TNNI3K: variants seen among roughly 807,000 people sequenced by gnomAD.
The protein encoded by TNNI3K is TNNI3 interacting kinase.
TNNI3K carries 140 observed loss-of-function variants against 114.5 expected under a neutral mutation model. The ratio of observed to expected loss-of-function variants is 1.22; its 90% CI spans 1.07 to 1.41. The LOEUF (loss-of-function observed/expected upper bound fraction) is 1.41. Ranked by LOEUF, TNNI3K falls within the 40% of genes most tolerant of loss-of-function variation. The pLI, the probability that TNNI3K is intolerant of heterozygous loss-of-function variation, is 0.00. For missense variants in TNNI3K, 1,125 were observed against 1,007.6 expected, an observed-to-expected ratio of 1.12 and a Z score of -1.58; for synonymous variants, 347 against 347.5, an observed-to-expected ratio of 1.00 and a Z score of 0.02.
intron 23 of TNNI3K, among the ~76,000 whole-genome samples, chr1:74,531,269 G>C (rs998385196): frequency 3.9e-5 from 6 of 152,154 alleles, no homozygotes; most frequent in African/African-American, 1.4e-4. Context: ...TGTCAAGTAG[G>C]AAATATTGAC....
Position 74,484,867 on chromosome 1 carries a change from A to G in TNNI3K, c.2122-4322A>G, listed in dbSNP as rs147321297. ...TCTATTTTTAAAGATCATTTTAACT[A>G]CTGAGTTGGGAACTACTTTTAGATA... On this transcript the variant is annotated intron_variant, in intron 21 of 24. Transcript: ENST00000326637. 3.0e-3 allele frequency among the ~76,000 whole-genome samples: 463 copies of G among 152,328 alleles called. 3 individuals are homozygous for G. The highest frequency in any genetic ancestry group is 5.1e-3 in the Non-Finnish European group (344 of 68,034).
chr1:74,519,028 C>T (rs1427985751), intron 23 of TNNI3K, among the ~76,000 whole-genome samples: 4 of 107,582 alleles, frequency 3.7e-5, no homozygotes, highest in Admixed American at 3.7e-4. Context: ...GCTATCCCTT[C>T]CCCCTCCCCC....
chr1:74,389,889 G>A (rs1663675285), intron 17 of TNNI3K, among the ~76,000 whole-genome samples: 1 of 152,068 alleles, frequency 6.6e-6, no homozygotes, highest in Non-Finnish European at 1.5e-5. Flanking sequence ...TACAGGATTA[G>A]GAGCCATTAG....
At chr1:74,300,570 G>A (rs1438333815) in intron 5 of TNNI3K, among the ~76,000 whole-genome samples, 1 of 152,168 alleles carries the variant, frequency 6.6e-6, no homozygotes, top group African/African-American at 2.4e-5. Flanking sequence ...AAAATGCAAA[G>A]ATCTTAAGCC....
intron 17 of TNNI3K, among the ~76,000 whole-genome samples, chr1:74,410,998 T>C (rs985203389): frequency 3.2e-4 from 48 of 152,212 alleles, no homozygotes; most frequent in African/African-American, 8.4e-4. Flanking sequence ...TTTTTGTCTT[T>C]GTGTAGTCAT....
At chr1:74,452,773 T>G (rs974149681) in intron 20 of TNNI3K, among the ~76,000 whole-genome samples, 17 of 152,168 alleles carry the variant, frequency 1.1e-4, no homozygotes, top group Non-Finnish European at 2.4e-4. Flanking sequence ...ATTATGTCCC[T>G]GCCTGCCTCC....
chr1:74,431,111 T>C (rs912485749), intron 17 of TNNI3K, among the ~76,000 whole-genome samples: 6 of 152,154 alleles, frequency 3.9e-5, no homozygotes, highest in Non-Finnish European at 8.8e-5. Context: ...CAGTTCAGAA[T>C]TTGCCAAATT....
chr1:74,533,065 G>A (rs1426070356), intron 23 of TNNI3K, among the ~76,000 whole-genome samples: 1 of 152,146 alleles, frequency 6.6e-6, no homozygotes, highest in East Asian at 1.9e-4. Context: ...ATTGACAAAT[G>A]GGATCTAATT....
chr1:74,479,627 A>G (rs1308767310), intron 21 of TNNI3K, among the ~76,000 whole-genome samples: 1 of 152,208 alleles, frequency 6.6e-6, no homozygotes, highest in African/African-American at 2.4e-5. Context: ...AACACTGCAG[A>G]CTAAGATATA....
chr1:74,417,202 T>C (rs1665158656), intron 17 of TNNI3K, among the ~76,000 whole-genome samples: 1 of 152,026 alleles, frequency 6.6e-6, no homozygotes, highest in African/African-American at 2.4e-5. Flanking sequence ...GATGAAGTAT[T>C]AGGTGTTGTA....
At chr1:74,267,213 G>A (rs977071241) in intron 4 of TNNI3K, among the ~76,000 whole-genome samples, 1 of 151,916 alleles carries the variant, frequency 6.6e-6, no homozygotes, top group African/African-American at 2.4e-5. Context: ...CAAACTTAGA[G>A]TATTCAAAAT....
At chr1:74,382,807 C>CGTTTT (rs1282221144) in intron 17 of TNNI3K, among the ~76,000 whole-genome samples, 5 of 152,138 alleles carry the variant, frequency 3.3e-5, no homozygotes, top group Admixed American at 6.6e-5. Context: ...AGTGTTAGAG[C>CGTTTT]GTTGATGATG....
At chr1:74,357,337 C>T (rs149247108) in intron 11 of TNNI3K, among the ~76,000 whole-genome samples, 224 of 152,240 alleles carry the variant, frequency 1.5e-3, no homozygotes, top group African/African-American at 5.1e-3. Flanking sequence ...CTTTTGGATA[C>T]GCCCAATTTA....
chr1:74,390,965 G>GAAAAAA (rs10672464), intron 17 of TNNI3K, among the ~76,000 whole-genome samples: 2 of 131,708 alleles, frequency 1.5e-5, no homozygotes, highest in Admixed American at 7.7e-5. Flanking sequence ...ATTTTTTTCC[G>GAAAAAA]AAAAAAAAAA....
At chr1:74,290,103 A>C (rs2100284366) in intron 5 of TNNI3K, among the ~76,000 whole-genome samples, 1 of 151,904 alleles carries the variant, frequency 6.6e-6, no homozygotes, top group South Asian at 2.1e-4. Context: ...ACCTCCAATT[A>C]ATCAAGCACA....
intron 17 of TNNI3K, among the ~76,000 whole-genome samples, chr1:74,381,290 G>C (rs45605538): frequency 1.7e-3 from 252 of 152,052 alleles, no homozygotes; most frequent in African/African-American, 5.7e-3. Flanking sequence ...CTGTGTCCTT[G>C]GTCAATTTAT....
At chr1:74,520,378 C>T (rs1646414615) in intron 23 of TNNI3K, among the ~76,000 whole-genome samples, 1 of 152,064 alleles carries the variant, frequency 6.6e-6, no homozygotes, top group African/African-American at 2.4e-5. Context: ...GTGAGTTCCA[C>T]CACCTTTCTT....
At chr1:74,372,299 A>G (rs1307379782) in intron 17 of TNNI3K, 1 of 151,758 alleles carries the variant, frequency 6.6e-6, no homozygotes, top group Non-Finnish European at 1.5e-5. Context: ...CTAAAGTCCC[A>G]TGCTCATGTC....
At chr1:74,260,472 A>G (rs1364183311) in intron 4 of TNNI3K, among the ~76,000 whole-genome samples, 2 of 152,188 alleles carry the variant, frequency 1.3e-5, no homozygotes, top group Non-Finnish European at 2.9e-5. Context: ...AGGCAAATTG[A>G]GTTTTCCTTA....
Sources: gnomAD v4.1 joint callset for allele counts (sites outside exome capture counted in the v4.1 genomes callset) on GRCh38, gnomAD v4.1.1 for gene constraint, MANE v1.5 for transcripts, NCBI Gene and HGNC (gene_info 2026-07-23, HGNC 2026-07-21) for gene names.